AHCTF1: variants seen among roughly 807,000 people sequenced by gnomAD.
AHCTF1 encodes the protein AT-hook containing transcription factor 1.
In AHCTF1, 24 loss-of-function variants were observed where a neutral mutation model predicts 248.4. That is an observed-to-expected ratio of 0.10 (90% CI 0.07 to 0.14). AHCTF1 has a LOEUF of 0.14. Among genes scored for constraint, AHCTF1 ranks in the 10% least tolerant of loss-of-function variants. The pLI, the probability that AHCTF1 is intolerant of heterozygous loss-of-function variation, is 1.00. For synonymous variants in AHCTF1, 786 were observed against 929.8 expected (o/e 0.85, Z 2.81); for missense variants, 2,206 against 2,636.2 (o/e 0.84, Z 3.57).
intron 21 of AHCTF1, among the ~76,000 whole-genome samples, chr1:246,881,238 TAA>T (rs1357309056): frequency 2.0e-5 from 3 of 152,200 alleles, no homozygotes; most frequent in African/African-American, 7.2e-5. Flanking sequence ...ATAATAATTT[TAA>T]AAGTCATTTT....
chr1:246,919,605 C>T (rs111742720), intron 1 of AHCTF1, among the ~76,000 whole-genome samples: 4 of 150,412 alleles, frequency 2.7e-5, no homozygotes, highest in African/African-American at 4.9e-5. Flanking sequence ...CTCACCTACT[C>T]GGGAGGCTGA....
intron 26 of AHCTF1, among the ~76,000 whole-genome samples, chr1:246,866,879 G>A (rs957770844): frequency 1.3e-5 from 2 of 152,124 alleles, no homozygotes; most frequent in Non-Finnish European, 2.9e-5. Context: ...AGTAGGCACT[G>A]TTCAACAGAA....
Position 246,867,496 on chromosome 1 carries a change from A to AGGCT in AHCTF1, c.3240-146_3240-145insAGCC. ...AATAATAATGAACATTTCACTTTTA[A>AGGCT]AGGTTTTTAAAAATTCTTCTCAGAA... is the stretch of plus-strand genomic sequence containing the variant. On this transcript the variant is annotated intron_variant, in intron 25 of 35. Coordinates refer to ENST00000648844, the MANE Select transcript of AHCTF1 (RefSeq NM_001323342.2). The AGGCT allele has an allele frequency of 3.7e-6, 4 of 1,081,032 alleles. No individual in the cohort carries two copies. The South Asian group carries it at 6.6e-5, about 18-fold the overall frequency. 67.0% of individuals were successfully genotyped at this position (1,081,032 alleles called of 1,614,324 possible).
chr1:246,868,671 A>C lies in AHCTF1; in HGVS notation c.3089-860T>G, dbSNP rs143290948. On this transcript the variant is annotated intron_variant, in intron 24 of 35. Transcript: ENST00000648844. ...TTCTAGAAGTTGGACATGTGCCTTC[A>C]ACTGAAATAGGAGTTCTTTCATTAT... Among the ~76,000 whole-genome samples, 3 of 152,098 alleles carry C rather than the reference A, an allele frequency of 2.0e-5. No individual in the cohort carries two copies. The East Asian group carries it at 5.8e-4, about 29-fold the overall frequency.
Position 246,910,665 on chromosome 1 carries a change from A to C in AHCTF1, c.556+2567T>G, listed in dbSNP as rs558972488. On this transcript the variant is annotated intron_variant, in intron 4 of 35. Coordinates refer to ENST00000648844, the MANE Select transcript of AHCTF1 (RefSeq NM_001323342.2). ...AAAACTCAGACTCATATATTAATAT[A>C]ACCACTGTGCAAGAGCAGATTCTCT... Among the ~76,000 whole-genome samples, 3 of 152,362 alleles carry C rather than the reference A, an allele frequency of 2.0e-5. No individual in the cohort carries two copies. In the South Asian group the frequency reaches 6.2e-4, roughly 32 times the overall value.
chr1:246,867,900 C>G lies in AHCTF1; in HGVS notation c.3089-89G>C, dbSNP rs865788969. ...ATGAAAGAATGATTACACCCCCCCC[C>G]CCACACACACACACACACACATTAC... On this transcript the variant is annotated intron_variant, in intron 24 of 35. Coordinates refer to ENST00000648844, the MANE Select transcript of AHCTF1 (RefSeq NM_001323342.2). 7.8e-4 allele frequency: 414 copies of G among 532,528 alleles called. 38 individuals carry two copies. In the African/African-American group the frequency reaches 0.014, roughly 18 times the overall value. The allele number at this position is 532,528 out of a possible 1,614,324, so 33.0% of individuals were successfully genotyped here.
intron 24 of AHCTF1, among the ~76,000 whole-genome samples, chr1:246,871,282 AAC>A (rs1311689616): frequency 6.6e-6 from 1 of 152,162 alleles, no homozygotes; most frequent in Non-Finnish European, 1.5e-5. Context: ...GAGTGCTAAA[AAC>A]AGAGACACCA....
chr1:246,846,821 G>A (rs1489668624), intron 33 of AHCTF1, among the ~76,000 whole-genome samples: 1 of 152,098 alleles, frequency 6.6e-6, no homozygotes, highest in Middle Eastern at 3.4e-3. Flanking sequence ...GTGGTGTGAT[G>A]GCTCACTGCA....
rs181337564 is a variant in AHCTF1, at chr1:246,916,049, G to C, written c.375+93C>G. Reference sequence around the variant, plus strand: ...AAGTATACAAATTGTAAATGTTGCGGGTCAGTGAAATTTCAAAAAGTAACA... The same window carrying C: ...AAGTATACAAATTGTAAATGTTGCGCGTCAGTGAAATTTCAAAAAGTAACA... On this transcript the variant is annotated intron_variant, in intron 3 of 35. Transcript: ENST00000648844. The C allele has an allele frequency of 4.0e-3, 5,597 of 1,390,072 alleles. 17 individuals carry two copies. The highest frequency in any genetic ancestry group is 5.1e-3 in the Non-Finnish European group (5,191 of 1,024,338). The allele number at this position is 1,390,072 out of a possible 1,614,324, so 86.1% of individuals were successfully genotyped here.
intron 4 of AHCTF1, among the ~76,000 whole-genome samples, chr1:246,912,400 T>C (rs1477817473): frequency 2.0e-5 from 3 of 151,828 alleles, no homozygotes; most frequent in Non-Finnish European, 4.4e-5. Flanking sequence ...GGAGAATTGC[T>C]TGAACACGGG....
At chr1:246,899,548 A>G (rs115370486) in intron 10 of AHCTF1, 36 bp from the exon 11 acceptor site, 17 of 1,540,894 alleles carry the variant, frequency 1.1e-5, no homozygotes, top group Middle Eastern at 1.7e-4. Context: ...CCACTTACAT[A>G]TATTTAAAAT....
chr1:246,882,818 T>G (rs1663546135), intron 21 of AHCTF1, among the ~76,000 whole-genome samples: 1 of 152,238 alleles, frequency 6.6e-6, no homozygotes, highest in African/African-American at 2.4e-5. Flanking sequence ...TGTGATGGTA[T>G]GTCCATATAT....
At chr1:246,889,888 A>C in intron 17 of AHCTF1, 78 bp downstream of exon 17, 1 of 1,017,328 alleles carries the variant, frequency 9.8e-7, no homozygotes, top group South Asian at 1.5e-5. Flanking sequence ...CCATTTAATC[A>C]CTTTGTAAAA....
At chr1:246,923,284 A>T (rs1179741028) in intron 1 of AHCTF1, among the ~76,000 whole-genome samples, 1 of 151,898 alleles carries the variant, frequency 6.6e-6, no homozygotes, top group East Asian at 1.9e-4. Flanking sequence ...GCATGGTGAC[A>T]TGCGTCTGTA....
At chr1:246,903,342 T>C (rs182718588) in intron 7 of AHCTF1, among the ~76,000 whole-genome samples, 32 of 152,308 alleles carry the variant, frequency 2.1e-4, no homozygotes, top group Admixed American at 7.8e-4. Context: ...CTTGATATGT[T>C]AGAGCAACAA....
At chr1:246,895,605 G>T (rs1220733367) in intron 13 of AHCTF1, among the ~76,000 whole-genome samples, 1 of 152,182 alleles carries the variant, frequency 6.6e-6, no homozygotes, top group African/African-American at 2.4e-5. Flanking sequence ...AGGTATGGCT[G>T]TAACGGCAGC....
chr1:246,876,812 A>G, intron 23 of AHCTF1, 138 bp downstream of exon 23: 1 of 1,044,648 alleles, frequency 9.6e-7, no homozygotes, highest in Non-Finnish European at 1.4e-6. Flanking sequence ...TGTTACAGAG[A>G]TGAACTGAGG....
chr1:246,845,643 T>C (rs1161113696), intron 33 of AHCTF1, among the ~76,000 whole-genome samples: 1 of 152,238 alleles, frequency 6.6e-6, no homozygotes, highest in Non-Finnish European at 1.5e-5. Flanking sequence ...TACTATCACA[T>C]GCAAAAATAG....
chr1:246,912,399 C>T (rs1331031816), intron 4 of AHCTF1, among the ~76,000 whole-genome samples: 1 of 151,526 alleles, frequency 6.6e-6, no homozygotes, highest in Non-Finnish European at 1.5e-5. Context: ...AGGAGAATTG[C>T]TTGAACACGG....
Sources: gnomAD v4.1 joint callset for allele counts (sites outside exome capture counted in the v4.1 genomes callset) on GRCh38, gnomAD v4.1.1 for gene constraint, MANE v1.5 for transcripts, NCBI Gene and HGNC (gene_info 2026-07-23, HGNC 2026-07-21) for gene names.